Variants in SCRN1 observed in about 807,000 individuals in gnomAD.
The protein encoded by SCRN1 is secernin-1.
Under a neutral mutation model 43.3 loss-of-function variants are expected in SCRN1, and 19 were observed. That is an observed-to-expected ratio of 0.44 (90% CI 0.31 to 0.64). SCRN1 has a LOEUF of 0.64. Among genes scored for constraint, SCRN1 ranks in the 30% least tolerant of loss-of-function variants. SCRN1 has a pLI of 0.09. For synonymous variants in SCRN1, 183 were observed against 188.9 expected (o/e 0.97, Z 0.26); for missense variants, 447 against 524.1 (o/e 0.85, Z 1.44).
intron 3 of SCRN1, chr7:29,947,425 T>C (rs2128091912): frequency 7.4e-7 from 1 of 1,353,122 alleles, no homozygotes; most frequent in Non-Finnish European, 1.0e-6. Context: ...GATTAGGAGA[T>C]CCCTGTCCTT....
At chr7:29,973,349 A>G (rs879265469) in intron 1 of SCRN1, among the ~76,000 whole-genome samples, 40 of 152,302 alleles carry the variant, frequency 2.6e-4, no homozygotes, top group South Asian at 1.9e-3. Context: ...TGAATTTTTG[A>G]CACCTTCACT....
intron 2 of SCRN1, among the ~76,000 whole-genome samples, chr7:29,956,930 G>A (rs112391493): frequency 9.6e-4 from 146 of 152,226 alleles, no homozygotes; most frequent in African/African-American, 3.5e-3. Flanking sequence ...TGGAATTGAC[G>A]TTTACATCTT....
intron 2 of SCRN1, among the ~76,000 whole-genome samples, chr7:29,968,361 A>G (rs1160914030): frequency 6.6e-6 from 1 of 152,226 alleles, no homozygotes; most frequent in Non-Finnish European, 1.5e-5. Flanking sequence ...GAGTTGAAAA[A>G]TACAAAGTAG....
At chr7:29,949,629 G>A (rs1049447779) in intron 3 of SCRN1, among the ~76,000 whole-genome samples, 2 of 150,486 alleles carry the variant, frequency 1.3e-5, no homozygotes, top group South Asian at 2.1e-4. Flanking sequence ...CTCCTGCCTC[G>A]GCCTCCCAGA....
intron 1 of SCRN1, among the ~76,000 whole-genome samples, chr7:29,981,502 TAA>T (rs1788991320): frequency 6.6e-6 from 1 of 152,190 alleles, no homozygotes; most frequent in Admixed American, 6.5e-5. Flanking sequence ...GGGAGTAAAT[TAA>T]GCACTTGGAG....
chr7:29,924,609 C>G (rs1007820059), intron 7 of SCRN1, among the ~76,000 whole-genome samples: 1 of 152,220 alleles, frequency 6.6e-6, no homozygotes, highest in African/African-American at 2.4e-5. Context: ...GGCGCTGTCT[C>G]CCACCTTGTG....
chr7:29,946,263 G>T (rs1243395144), intron 3 of SCRN1, among the ~76,000 whole-genome samples: 1 of 152,202 alleles, frequency 6.6e-6, no homozygotes, highest in Non-Finnish European at 1.5e-5. Context: ...CCAAAGAGAA[G>T]GAACAGAAGC....
intron 6 of SCRN1, among the ~76,000 whole-genome samples, chr7:29,932,361 T>C (rs946478020): frequency 1.3e-5 from 2 of 152,258 alleles, no homozygotes; most frequent in Middle Eastern, 3.4e-3. Context: ...GGTAATATCT[T>C]GCCCAAGCCA....
intron 1 of SCRN1, among the ~76,000 whole-genome samples, chr7:29,978,489 G>A (rs34293043): frequency 0.033 from 5,066 of 152,000 alleles, 114 homozygotes; most frequent in Non-Finnish European, 0.052. Context: ...CACTGATACC[G>A]CCTGCCTAGC....
chr7:29,974,681 CTTTCTTTTT>C (rs1196789262), intron 1 of SCRN1, among the ~76,000 whole-genome samples: 137 of 142,274 alleles, frequency 9.6e-4, no homozygotes, highest in African/African-American at 3.6e-3. Context: ...TTCTTTCTTT[CTTTCTTTTT>C]TTTTTTTTTT....
intron 1 of SCRN1, among the ~76,000 whole-genome samples, chr7:29,980,189 C>G (rs1788954562): frequency 6.6e-6 from 1 of 151,992 alleles, no homozygotes; most frequent in Admixed American, 6.6e-5. Flanking sequence ...AAGGTTTGTT[C>G]CTTTAACTTG....
chr7:29,962,061 C>T (rs977742432), intron 2 of SCRN1, among the ~76,000 whole-genome samples: 4 of 151,574 alleles, frequency 2.6e-5, no homozygotes, highest in African/African-American at 9.7e-5. Context: ...CCAGAGGTTG[C>T]CCTAGAAACC....
At chr7:29,953,787 C>T (rs1315857596) in intron 3 of SCRN1, among the ~76,000 whole-genome samples, 1 of 152,146 alleles carries the variant, frequency 6.6e-6, no homozygotes, top group Non-Finnish European at 1.5e-5. Context: ...CCCGAGACCA[C>T]TGTCTAAATG....
In SCRN1 at chr7:29,920,945, C is replaced by T. The variant is rs1191371364; in HGVS notation, c.*3012G>A. 1.3e-5 allele frequency: 2 copies of T among 152,396 alleles called. No homozygotes were observed. Among genetic ancestry groups the T allele is most frequent in the African/African-American group, 2.4e-5 (1 of 41,426 alleles). The allele number at this position is 152,396 out of a possible 1,614,324, so 9.4% of individuals were successfully genotyped here. On this transcript the variant is annotated 3_prime_UTR_variant, in exon 8 of 8. Coordinates refer to ENST00000242059, the MANE Select transcript of SCRN1 (RefSeq NM_014766.5). The stretch of plus-strand genomic sequence containing the variant: ...GAGCACTAAGGAACCTCCATAATTT[C>T]GATTATATTCTACCTAAAATTTCAA...
At position 29,923,550 on chromosome 7, in the gene SCRN1, C is replaced by T. The variant is rs17158486; in HGVS notation, c.*407G>A. ...TGCCTCTTGTTAACCTGAAAGAAAC[C>T]GCTACTGAGGGAAAGACTAAGACTT... On this transcript the variant is annotated 3_prime_UTR_variant, in exon 8 of 8. Transcript: ENST00000242059. The T allele has an allele frequency of 0.02, 3,401 of 169,490 alleles. 64 individuals carry two copies. The highest frequency in any genetic ancestry group is 0.073 in the East Asian group (427 of 5,886). 10.5% of individuals were successfully genotyped at this position (169,490 alleles called of 1,614,324 possible). A position where few individuals can be genotyped will look rare whatever the true frequency, so the allele number is the denominator to read the frequency against.
At position 29,940,023 on chromosome 7, in the gene SCRN1, GTTTGTAGTCCCA is replaced by G. The variant is rs975783219; in HGVS notation, c.739+647_739+658del. Among the ~76,000 whole-genome samples, 12 of 152,120 alleles carry G rather than the reference GTTTGTAGTCCCA, an allele frequency of 7.9e-5. No homozygotes were observed. In the East Asian group the frequency reaches 1.7e-3, roughly 22 times the overall value. ...AAATTAGCCAGAAATGGTGGCATAT[GTTTGTAGTCCCA>G]GCTGTTGGGATGGCAGCAGGGGTGC... On this transcript the variant is annotated intron_variant, in intron 5 of 7. Coordinates refer to ENST00000242059, the MANE Select transcript of SCRN1 (RefSeq NM_014766.5).
In SCRN1 at chr7:29,922,993, T is replaced by C. The variant is rs1039805735; in HGVS notation, c.*964A>G. ...TAGGATTCCAGATATTTAACTAGAA[T>C]CTAAATAGTCAAGAGTTCTTCCTTT... is the stretch of plus-strand genomic sequence containing the variant. On this transcript the variant is annotated 3_prime_UTR_variant, in exon 8 of 8. Coordinates refer to ENST00000242059, the MANE Select transcript of SCRN1 (RefSeq NM_014766.5). 6.6e-6 allele frequency: 1 copy of C among 152,200 alleles called. No individual in the cohort carries two copies. Among genetic ancestry groups the C allele is most frequent in the Non-Finnish European group, 1.5e-5 (1 of 68,044 alleles). 9.4% of individuals were successfully genotyped at this position (152,200 alleles called of 1,614,324 possible). A position where few individuals can be genotyped will look rare whatever the true frequency, so the allele number is the denominator to read the frequency against.
chr7:29,979,224 G>A (rs1313749752), intron 1 of SCRN1, among the ~76,000 whole-genome samples: 3 of 152,048 alleles, frequency 2.0e-5, no homozygotes, highest in Non-Finnish European at 2.9e-5. Context: ...TTAGCCAGGC[G>A]TGGTGGCACG....
chr7:29,949,231 C>T (rs187107985), intron 3 of SCRN1, among the ~76,000 whole-genome samples: 3,021 of 151,172 alleles, frequency 0.02, 46 homozygotes, highest in East Asian at 0.065. Flanking sequence ...AGGAGAATGG[C>T]GTGAACCCAG....
Sources: gnomAD v4.1 joint callset for allele counts (sites outside exome capture counted in the v4.1 genomes callset) on GRCh38, gnomAD v4.1.1 for gene constraint, MANE v1.5 for transcripts, NCBI Gene and HGNC (gene_info 2026-07-23, HGNC 2026-07-21) for gene names.